DOK6: variants seen among roughly 807,000 people sequenced by gnomAD.
DOK6 encodes the protein docking protein 6.
A neutral mutation model predicts 44.0 loss-of-function variants in DOK6; 22 were observed. That is an observed-to-expected ratio of 0.50 (90% CI 0.36 to 0.71). The LOEUF (loss-of-function observed/expected upper bound fraction) is 0.71, where lower values mean the gene tolerates loss of function less well. Among genes scored for constraint, DOK6 ranks in the 30% least tolerant of loss-of-function variants. The probability of loss-of-function intolerance (pLI) is 0.00; values close to 1 mark genes in which losing one functional copy is unlikely to be tolerated. For synonymous variants in DOK6, 166 were observed against 145.5 expected (o/e 1.14, Z -1.01); for missense variants, 340 against 416.4 (o/e 0.82, Z 1.60).
chr18:69,577,652 C>A (rs1191392196), intron 2 of DOK6, among the ~76,000 whole-genome samples: 1 of 152,112 alleles, frequency 6.6e-6, no homozygotes, highest in East Asian at 1.9e-4. Flanking sequence ...AATATGCCCA[C>A]AGACTGAGCA....
intron 3 of DOK6, among the ~76,000 whole-genome samples, chr18:69,657,864 G>A (rs1379059590): frequency 1.3e-5 from 2 of 152,170 alleles, no homozygotes; most frequent in South Asian, 4.1e-4. Context: ...TGGTTGGTGT[G>A]TAGGTGAGTG....
At chr18:69,813,249 C>T (rs1015215192) in intron 7 of DOK6, among the ~76,000 whole-genome samples, 17 of 152,000 alleles carry the variant, frequency 1.1e-4, no homozygotes, top group African/African-American at 3.4e-4. Context: ...CATTGTTTTA[C>T]GTAGTAATGA....
intron 5 of DOK6, among the ~76,000 whole-genome samples, chr18:69,738,043 T>A (rs1404604239): frequency 1.3e-5 from 2 of 152,222 alleles, no homozygotes; most frequent in African/African-American, 4.8e-5. Flanking sequence ...CTGTGTGAAT[T>A]TTATTAAGAT....
At chr18:69,664,131 T>C (rs1985597973) in intron 3 of DOK6, among the ~76,000 whole-genome samples, 3 of 152,234 alleles carry the variant, frequency 2.0e-5, no homozygotes, top group Non-Finnish European at 4.4e-5. Context: ...TGTTAATTAA[T>C]TTCAGAATCG....
intron 1 of DOK6, among the ~76,000 whole-genome samples, chr18:69,548,512 C>T (rs1363842121): frequency 1.3e-5 from 2 of 151,418 alleles, no homozygotes; most frequent in Non-Finnish European, 3.0e-5. Flanking sequence ...GTACAAAGGA[C>T]GGCCCATAAT....
intron 3 of DOK6, among the ~76,000 whole-genome samples, chr18:69,612,441 G>C (rs10084097): frequency 0.42 from 59,536 of 143,452 alleles, 14,613 homozygotes; most frequent in Non-Finnish European, 0.52. Context: ...ATGTGTGCGA[G>C]GGCGCATGTG....
At chr18:69,669,219 C>T (rs1354196509) in intron 3 of DOK6, among the ~76,000 whole-genome samples, 3 of 152,050 alleles carry the variant, frequency 2.0e-5, no homozygotes, top group Non-Finnish European at 2.9e-5. Context: ...AGCAAAGTAC[C>T]CGACAGGTAA....
At chr18:69,471,759 C>T (rs554356841) in intron 1 of DOK6, 58 of 152,186 alleles carry the variant, frequency 3.8e-4, no homozygotes, top group African/African-American at 1.4e-3. Flanking sequence ...TTGCCATTTG[C>T]TTCAGGAAAA....
chr18:69,730,118 A>G (rs906529846), intron 5 of DOK6, among the ~76,000 whole-genome samples: 2 of 152,234 alleles, frequency 1.3e-5, no homozygotes, highest in African/African-American at 4.8e-5. Context: ...GAGTCAAAAC[A>G]ACAATTAGGA....
At chr18:69,633,681 G>T (rs1188322806) in intron 3 of DOK6, among the ~76,000 whole-genome samples, 2 of 152,128 alleles carry the variant, frequency 1.3e-5, no homozygotes, top group Non-Finnish European at 2.9e-5. Flanking sequence ...TGAAACAGAA[G>T]TTTACTTATT....
intron 1 of DOK6, among the ~76,000 whole-genome samples, chr18:69,546,589 G>A (rs577775816): frequency 3.5e-4 from 53 of 151,658 alleles, no homozygotes; most frequent in African/African-American, 9.9e-4. Context: ...AAATACAATC[G>A]TATTTCACAG....
chr18:69,774,133 G>GATATATATAGAT (rs1555670144), intron 7 of DOK6, among the ~76,000 whole-genome samples: 1 of 66,896 alleles, frequency 1.5e-5, no homozygotes, highest in Non-Finnish European at 3.3e-5. Context: ...ATATATATGA[G>GATATATATAGAT]ATATATATAT....
chr18:69,523,028 G>A (rs1981731001), intron 1 of DOK6, among the ~76,000 whole-genome samples: 1 of 152,092 alleles, frequency 6.6e-6, no homozygotes, highest in Non-Finnish European at 1.5e-5. Context: ...TGGGAAGGAA[G>A]ATCTAGAAAG....
At chr18:69,566,997 A>T (rs1395780732) in intron 2 of DOK6, among the ~76,000 whole-genome samples, 1 of 152,218 alleles carries the variant, frequency 6.6e-6, no homozygotes, top group Non-Finnish European at 1.5e-5. Context: ...CTCAGAGCTA[A>T]GGAAAATGCC....
chr18:69,796,153 TG>T (rs1421777980), intron 7 of DOK6, among the ~76,000 whole-genome samples: 1 of 152,108 alleles, frequency 6.6e-6, no homozygotes, highest in African/African-American at 2.4e-5. Context: ...TGCTTCAAGG[TG>T]AGCTCAGTAA....
intron 7 of DOK6, among the ~76,000 whole-genome samples, chr18:69,818,510 C>A (rs1394322633): frequency 1.3e-5 from 2 of 152,168 alleles, no homozygotes; most frequent in Non-Finnish European, 2.9e-5. Context: ...TGCTGTCCAC[C>A]TGAAGGATTT....
chr18:69,712,173 T>C (rs972255339), intron 5 of DOK6, among the ~76,000 whole-genome samples: 6 of 145,956 alleles, frequency 4.1e-5, no homozygotes, highest in East Asian at 2.0e-4. Flanking sequence ...CCCAGCTACT[T>C]GGGAGGCTGA....
chr18:69,709,743 T>C (rs1434069559), intron 5 of DOK6, among the ~76,000 whole-genome samples: 2 of 152,226 alleles, frequency 1.3e-5, no homozygotes, highest in Non-Finnish European at 2.9e-5. Flanking sequence ...ATTTTTCTTG[T>C]TATAAATAAA....
At chr18:69,741,243 A>C (rs1978788367) in intron 6 of DOK6, among the ~76,000 whole-genome samples, 5 of 152,258 alleles carry the variant, frequency 3.3e-5, no homozygotes, top group African/African-American at 1.2e-4. Context: ...CACTTGGCCC[A>C]TACATGTCAA....
Sources: gnomAD v4.1 joint callset for allele counts (sites outside exome capture counted in the v4.1 genomes callset) on GRCh38, gnomAD v4.1.1 for gene constraint, MANE v1.5 for transcripts, NCBI Gene and HGNC (gene_info 2026-07-23, HGNC 2026-07-21) for gene names.